HMBOX1: variants seen among roughly 807,000 people sequenced by gnomAD.
HMBOX1 encodes the protein homeobox containing 1.
Under a neutral mutation model 54.5 loss-of-function variants are expected in HMBOX1, and 14 were observed. The observed-to-expected ratio is 0.26, with a 90% CI of 0.17 to 0.40. HMBOX1 has a LOEUF of 0.40. HMBOX1 is among the 10% of genes least tolerant of loss of function. The pLI, the probability that HMBOX1 is intolerant of heterozygous loss-of-function variation, is 1.00. For missense variants in HMBOX1, 332 were observed against 514.4 expected (o/e 0.65, Z 3.43); for synonymous variants, 160 against 181.0 (o/e 0.88, Z 0.93).
intron 6 of HMBOX1, chr8:29,042,625 A>C (rs1805004274): frequency 2.2e-6 from 1 of 455,796 alleles, no homozygotes; most frequent in African/African-American, 2.0e-5. Flanking sequence ...GCCCTATTTT[A>C]TGACTTTGTC....
chr8:28,892,050 A>G (rs1355289104), intron 1 of HMBOX1, among the ~76,000 whole-genome samples: 2 of 151,386 alleles, frequency 1.3e-5, no homozygotes, highest in African/African-American at 4.9e-5. Context: ...TTCGTACAAC[A>G]TTTCTCTTTC....
intron 6 of HMBOX1, among the ~76,000 whole-genome samples, chr8:29,037,593 C>G (rs1804112782): frequency 6.6e-6 from 1 of 152,128 alleles, no homozygotes; most frequent in Non-Finnish European, 1.5e-5. Flanking sequence ...ATCTACATAT[C>G]TTTTTAAACA....
intron 1 of HMBOX1, among the ~76,000 whole-genome samples, chr8:28,953,625 T>C (rs1823903514): frequency 6.6e-6 from 1 of 152,182 alleles, no homozygotes. Flanking sequence ...TTTAAGTTTC[T>C]ATGTCTAGTC....
Position 28,910,397 on chromosome 8 carries a change from A to G in HMBOX1, c.-58+19719A>G, listed in dbSNP as rs1371723688. On this transcript the variant is annotated intron_variant, in intron 1 of 9. Transcript: ENST00000287701. ...ACATTTGCATGCAACTTTTTGGGGG[A>G]ACATGTTTTTATTTCTTGGATAGGT... 4.6e-5 allele frequency among the ~76,000 whole-genome samples: 7 copies of G among 151,928 alleles called. No homozygotes were observed. In the East Asian group the frequency reaches 1.3e-3, roughly 29 times the overall value.
At chr8:29,042,182 A>G (rs1804928793) in intron 6 of HMBOX1, among the ~76,000 whole-genome samples, 1 of 152,152 alleles carries the variant, frequency 6.6e-6, no homozygotes, top group South Asian at 2.1e-4. Flanking sequence ...ACAGTGAACT[A>G]AGATCACTGT....
intron 1 of HMBOX1, among the ~76,000 whole-genome samples, chr8:28,900,264 A>T (rs1812954147): frequency 1.1e-5 from 1 of 94,196 alleles, no homozygotes; most frequent in Non-Finnish European, 2.3e-5. Context: ...CAAAAAAAAA[A>T]AAAAAAAATA....
chr8:28,916,044 G>A (rs1816479693), intron 1 of HMBOX1, among the ~76,000 whole-genome samples: 2 of 152,188 alleles, frequency 1.3e-5, no homozygotes, highest in African/African-American at 4.8e-5. Flanking sequence ...GTAACCACAT[G>A]TAGCCAGAGG....
intron 4 of HMBOX1, among the ~76,000 whole-genome samples, chr8:29,004,195 A>G (rs984298249): frequency 6.6e-6 from 1 of 152,224 alleles, no homozygotes; most frequent in Non-Finnish European, 1.5e-5. Context: ...GCTATCTAGC[A>G]GATGGTTTGA....
chr8:29,003,555 A>AATATATATATATATAT (rs71222586), intron 4 of HMBOX1, among the ~76,000 whole-genome samples: 5,613 of 70,944 alleles, frequency 0.079, 664 homozygotes, highest in Admixed American at 0.12. Flanking sequence ...TTCTGTATTA[A>AATATATATATATATAT]ATATATATAT....
chr8:28,945,711 T>C (rs1486434321), intron 1 of HMBOX1, among the ~76,000 whole-genome samples: 1 of 152,144 alleles, frequency 6.6e-6, no homozygotes, highest in Non-Finnish European at 1.5e-5. Context: ...TTTGAATTTA[T>C]CTAATAACAG....
At chr8:28,968,879 G>A (rs1157258552) in intron 2 of HMBOX1, among the ~76,000 whole-genome samples, 1 of 152,082 alleles carries the variant, frequency 6.6e-6, no homozygotes, top group East Asian at 1.9e-4. Context: ...GGTCTTATAA[G>A]AAAGGAATTC....
intron 1 of HMBOX1, among the ~76,000 whole-genome samples, chr8:28,907,926 A>G (rs530530387): frequency 2.1e-4 from 32 of 151,588 alleles, no homozygotes; most frequent in Non-Finnish European, 4.3e-4. Flanking sequence ...GTGCACTGCA[A>G]CCTCATCTCA....
intron 5 of HMBOX1, among the ~76,000 whole-genome samples, chr8:29,010,610 T>TA (rs1336044041): frequency 6.6e-6 from 1 of 151,762 alleles, no homozygotes; most frequent in East Asian, 1.9e-4. Flanking sequence ...TTTATTTCTA[T>TA]AAAAAAGTTA....
At chr8:28,997,451 G>C (rs1832030799) in intron 4 of HMBOX1, among the ~76,000 whole-genome samples, 1 of 152,072 alleles carries the variant, frequency 6.6e-6, no homozygotes. Context: ...ATCCCACCTG[G>C]TCATGGTTTA....
chr8:28,985,302 G>A (rs1829999785), intron 4 of HMBOX1, among the ~76,000 whole-genome samples: 2 of 152,104 alleles, frequency 1.3e-5, no homozygotes, highest in South Asian at 2.1e-4. Context: ...CAGGGGGAAC[G>A]GGTCTCTCTT....
chr8:29,044,512 A>G (rs748143768), intron 6 of HMBOX1, among the ~76,000 whole-genome samples: 12 of 152,136 alleles, frequency 7.9e-5, no homozygotes, highest in Non-Finnish European at 1.8e-4. Flanking sequence ...AAAGTAATAC[A>G]TACTTTTTTA....
chr8:29,009,310 A>T, intron 5 of HMBOX1, 128 bp downstream of exon 5: 1 of 1,045,188 alleles, frequency 9.6e-7, no homozygotes. Flanking sequence ...CTTTATGCAG[A>T]AAAAGACTCT....
intron 1 of HMBOX1, among the ~76,000 whole-genome samples, chr8:28,913,468 C>T (rs891652504): frequency 1.3e-5 from 2 of 152,170 alleles, no homozygotes; most frequent in Admixed American, 6.5e-5. Context: ...ACTTCTCAAC[C>T]CGGCAATGTC....
chr8:29,015,808 A>G (rs964157899), intron 5 of HMBOX1, among the ~76,000 whole-genome samples: 11 of 152,356 alleles, frequency 7.2e-5, no homozygotes, highest in African/African-American at 2.2e-4. Context: ...AGGTTATATG[A>G]TCTCTATCAT....
Sources: gnomAD v4.1 joint callset for allele counts (sites outside exome capture counted in the v4.1 genomes callset) on GRCh38, gnomAD v4.1.1 for gene constraint, MANE v1.5 for transcripts, NCBI Gene and HGNC (gene_info 2026-07-23, HGNC 2026-07-21) for gene names.